Variants in PCSK5 observed in about 807,000 individuals in gnomAD.
PCSK5 encodes the protein proprotein convertase subtilisin/kexin type 5.
PCSK5 carries 129 observed loss-of-function variants against 233.2 expected under a neutral mutation model. The ratio of observed to expected loss-of-function variants is 0.55; its 90% CI spans 0.48 to 0.64. PCSK5 has a LOEUF of 0.64. Among genes scored for constraint, PCSK5 ranks in the 30% least tolerant of loss-of-function variants. PCSK5 has a pLI of 0.00. For missense variants in PCSK5, 2,076 were observed against 2,430.1 expected, an observed-to-expected ratio of 0.85 and a Z score of 3.06; for synonymous variants, 825 against 879.2, an observed-to-expected ratio of 0.94 and a Z score of 1.09.
chr9:76,331,741 CAG>C (rs992357695), intron 33 of PCSK5, among the ~76,000 whole-genome samples: 49 of 151,488 alleles, frequency 3.2e-4, no homozygotes, highest in African/African-American at 1.2e-3. Flanking sequence ...AGCAGAGGGA[CAG>C]AGAGAAGCTA....
intron 7 of PCSK5, among the ~76,000 whole-genome samples, chr9:76,092,798 G>T (rs1401966744): frequency 6.6e-6 from 1 of 152,160 alleles, no homozygotes; most frequent in East Asian, 1.9e-4. Flanking sequence ...GTTGTTTTTA[G>T]TACACAGTGG....
chr9:76,252,990 G>A (rs980567102), intron 24 of PCSK5, among the ~76,000 whole-genome samples: 14 of 152,146 alleles, frequency 9.2e-5, no homozygotes, highest in African/African-American at 2.4e-4. Context: ...GCACAAGAAC[G>A]GTGTCAAACC....
intron 4 of PCSK5, 87 bp downstream of exon 4, chr9:76,023,968 GA>G: frequency 8.4e-7 from 1 of 1,197,180 alleles, no homozygotes; most frequent in Non-Finnish European, 1.2e-6. Flanking sequence ...GATAGCTACT[GA>G]AAAATGTAGC....
At position 76,040,385 on chromosome 9, in the gene PCSK5, G is replaced by GTCTCTCTGTCTCTC. The variant is rs1563988638; in HGVS notation, c.632+13355_632+13356insGTCTCTCTCTCTCT. On this transcript the variant is annotated intron_variant, in intron 5 of 37. Coordinates refer to ENST00000674117, the MANE Select transcript of PCSK5 (RefSeq NM_001372043.1). ...TCTCTCTCTCTCTCTCTCTCTCTCT[G>GTCTCTCTGTCTCTC]TCTCTCTCTCTCTCTCTCTCTCTCT... Among the ~76,000 whole-genome samples the GTCTCTCTGTCTCTC allele has an allele frequency of 3.0e-3, 241 of 80,636 alleles. 1 individual carries two copies. Among genetic ancestry groups the GTCTCTCTGTCTCTC allele is most frequent in the East Asian group, 9.5e-3 (22 of 2,308 alleles). The allele number at this position is 80,636 out of a possible 152,430, so 52.9% of individuals were successfully genotyped here.
chr9:76,038,215 C>A (rs28445507), intron 5 of PCSK5, among the ~76,000 whole-genome samples: 24,354 of 152,164 alleles, frequency 0.16, 2,358 homozygotes, highest in Non-Finnish European at 0.22. Context: ...TCCAACCCTT[C>A]CGCCCCGACA....
At chr9:76,312,280 C>T (rs536546498) in intron 30 of PCSK5, among the ~76,000 whole-genome samples, 36 of 152,166 alleles carry the variant, frequency 2.4e-4, no homozygotes, top group African/African-American at 8.2e-4. Flanking sequence ...GGAGGCCAAC[C>T]GGGAGGATCA....
chr9:76,087,576 A>G (rs1831116146), intron 7 of PCSK5, among the ~76,000 whole-genome samples: 1 of 152,238 alleles, frequency 6.6e-6, no homozygotes, highest in Admixed American at 6.5e-5. Flanking sequence ...TGTCATTTAC[A>G]GTTGATCCTA....
chr9:76,105,865 G>A (rs1432599955), intron 8 of PCSK5, among the ~76,000 whole-genome samples: 1 of 152,166 alleles, frequency 6.6e-6, no homozygotes, highest in Non-Finnish European at 1.5e-5. Flanking sequence ...AGGATAGTAA[G>A]AACTTATGGT....
At chr9:75,922,261 A>G (rs879522129) in intron 1 of PCSK5, among the ~76,000 whole-genome samples, 3 of 152,234 alleles carry the variant, frequency 2.0e-5, no homozygotes, top group Non-Finnish European at 4.4e-5. Flanking sequence ...AGTTAAAAAG[A>G]GTTCCCAAGG....
intron 2 of PCSK5, among the ~76,000 whole-genome samples, chr9:75,966,976 G>A (rs1036469757): frequency 1.3e-5 from 2 of 152,112 alleles, no homozygotes; most frequent in African/African-American, 4.8e-5. Context: ...CTTGATCTGG[G>A]TCACAGGTAG....
chr9:75,976,303 C>T (rs914647590), intron 2 of PCSK5, among the ~76,000 whole-genome samples: 1 of 90,552 alleles, frequency 1.1e-5, no homozygotes, highest in Admixed American at 9.7e-5. Flanking sequence ...CACACACACA[C>T]ACACACACAC....
chr9:76,283,992 C>T (rs117150323), intron 24 of PCSK5, among the ~76,000 whole-genome samples: 338 of 152,200 alleles, frequency 2.2e-3, no homozygotes, highest in Middle Eastern at 6.8e-3. Context: ...CTTAAGGAAC[C>T]AAACTCAACA....
chr9:76,185,365 G>A (rs17062197), intron 17 of PCSK5, among the ~76,000 whole-genome samples: 22,576 of 152,164 alleles, frequency 0.15, 1,766 homozygotes, highest in African/African-American at 0.17. Context: ...TCTCAGTAGG[G>A]AAGGTGAGAC....
At chr9:76,242,817 T>C (rs1826471798) in intron 24 of PCSK5, among the ~76,000 whole-genome samples, 1 of 152,218 alleles carries the variant, frequency 6.6e-6, no homozygotes, top group South Asian at 2.1e-4. Context: ...TTGTGTGTAA[T>C]CTAAAATCTG....
chr9:76,242,012 T>C (rs533268123), intron 24 of PCSK5, among the ~76,000 whole-genome samples: 1 of 152,226 alleles, frequency 6.6e-6, no homozygotes, highest in East Asian at 1.9e-4. Flanking sequence ...AGAACACTCA[T>C]GAAGTTACTA....
intron 34 of PCSK5, among the ~76,000 whole-genome samples, chr9:76,334,897 G>A (rs1242520149): frequency 2.0e-5 from 3 of 152,132 alleles, no homozygotes; most frequent in Admixed American, 6.5e-5. Context: ...TGCCAACATG[G>A]TGAGACCCTG....
In PCSK5 at chr9:76,350,928, G is replaced by T; in HGVS notation, c.5067G>T (p.Glu1689Asp). Residue 1689 changes from glutamate to aspartate, a missense_variant and splice_region_variant, in exon 36 of 38, where the codon GAG (glutamate) becomes GAT (aspartate). Glu to Asp is a conservative substitution (Grantham distance 45). Coordinates refer to ENST00000674117, the MANE Select transcript of PCSK5 (RefSeq NM_001372043.1). ...DCLVGEYRVG[E>D]GEKFNCEKCH... ...TTGTGGGGGAATACAGAGTGGGAGA[G>T]GTATGGAGGGCTGGGGGTCCTGGGC... The T allele has an allele frequency of 6.5e-7, 1 of 1,546,236 alleles. No individual in the cohort carries two copies. Among genetic ancestry groups the T allele is most frequent in the Non-Finnish European group, 8.9e-7 (1 of 1,123,084 alleles).
At chr9:76,122,211 G>A (rs183645234) in intron 9 of PCSK5, among the ~76,000 whole-genome samples, 44 of 151,860 alleles carry the variant, frequency 2.9e-4, no homozygotes, top group African/African-American at 1.0e-3. Flanking sequence ...GTTTTTCAAA[G>A]GTCCAGTTTT....
At chr9:75,936,282 A>G (rs760652687) in intron 2 of PCSK5, among the ~76,000 whole-genome samples, 2 of 152,204 alleles carry the variant, frequency 1.3e-5, no homozygotes, top group Non-Finnish European at 2.9e-5. Context: ...CTTAAAATCC[A>G]ACAACAATGA....
Sources: gnomAD v4.1 joint callset for allele counts (sites outside exome capture counted in the v4.1 genomes callset) on GRCh38, gnomAD v4.1.1 for gene constraint, MANE v1.5 for transcripts, NCBI Gene and HGNC (gene_info 2026-07-23, HGNC 2026-07-21) for gene names.